Variants in AGAP1 observed in about 807,000 individuals in gnomAD.
AGAP1 encodes the protein arf-GAP with GTPase, ANK repeat and PH domain-containing protein 1.
A neutral mutation model predicts 105.3 loss-of-function variants in AGAP1; 29 were observed. That is an observed-to-expected ratio of 0.28 (90% CI 0.21 to 0.38). AGAP1 has a LOEUF of 0.38. AGAP1 is among the 10% of genes least tolerant of loss of function. AGAP1 has a pLI of 1.00. For missense variants in AGAP1, 998 were observed against 1,165.1 expected (o/e 0.86, Z 2.09); for synonymous variants, 509 against 485.9 (o/e 1.05, Z -0.63).
rs2124992303 is a variant in AGAP1 at position 235,900,787 on chromosome 2, T to C, written c.1156-7951T>C. Among the ~76,000 whole-genome samples the C allele has an allele frequency of 6.6e-6, 1 of 152,318 alleles. No homozygotes were observed. The highest frequency in any genetic ancestry group is 2.4e-5 in the African/African-American group (1 of 41,564). On this transcript the variant is annotated intron_variant, in intron 10 of 17. Coordinates refer to ENST00000304032, the MANE Select transcript of AGAP1 (RefSeq NM_001037131.3). This position sits in a 1 kb window ranked among gnomAD's most constrained non-coding sequence, Gnocchi z 5.5. ...TTTGCCTCTGTGCATGCTACACATC[T>C]GATTGGCCAGGTGCCTTCCTCCTGC...
rs1282336284 is a variant in AGAP1, at chr2:235,989,118, A to T, written c.1645+20495A>T. 6.6e-6 allele frequency among the ~76,000 whole-genome samples: 1 copy of T among 152,170 alleles called. No homozygotes were observed. The highest frequency in any genetic ancestry group is 1.9e-4 in the East Asian group (1 of 5,194). ...ATAATAATGTGAGATGAAGATGATG[A>T]TGATGGTTGTTGTTATTTAAAACTG... On this transcript the variant is annotated intron_variant, in intron 13 of 17. Transcript: ENST00000304032. This position sits in a 1 kb window ranked among gnomAD's most constrained non-coding sequence, Gnocchi z 4.4.
intron 16 of AGAP1, chr2:236,072,227 G>A (rs1387755254): frequency 1.3e-5 from 2 of 150,394 alleles, no homozygotes; most frequent in African/African-American, 4.9e-5. Context: ...AGATCACAAG[G>A]CCAAGAGATC....
intron 9 of AGAP1, among the ~76,000 whole-genome samples, chr2:235,831,931 A>G (rs1033590534): frequency 1.3e-5 from 2 of 152,222 alleles, no homozygotes; most frequent in African/African-American, 4.8e-5. Flanking sequence ...TTCCACCAGC[A>G]ATGGATGAGA....
intron 6 of AGAP1, among the ~76,000 whole-genome samples, chr2:235,768,898 T>G (rs1955196388): frequency 6.6e-6 from 1 of 152,198 alleles, no homozygotes; most frequent in African/African-American, 2.4e-5. Flanking sequence ...GATCTGTTTC[T>G]TACAGAAGAA....
At chr2:235,666,036 C>A (rs548584478) in intron 1 of AGAP1, among the ~76,000 whole-genome samples, 1 of 152,252 alleles carries the variant, frequency 6.6e-6, no homozygotes, top group African/African-American at 2.4e-5. Context: ...AAACTTGGAA[C>A]TAAGGGAGCG....
In AGAP1 at chr2:235,569,059, G is replaced by A. The variant is rs1944436865; in HGVS notation, c.163+74210G>A. ...GGCAGCGTATTCATAGGTTCTGGGT[G>A]TTGGGACATGGACATTTTGGGGGAC... On this transcript the variant is annotated intron_variant, in intron 1 of 17. Coordinates refer to ENST00000304032, the MANE Select transcript of AGAP1 (RefSeq NM_001037131.3). This position sits in a 1 kb window ranked among gnomAD's most constrained non-coding sequence, Gnocchi z 5.9. 6.6e-6 allele frequency among the ~76,000 whole-genome samples: 1 copy of A among 152,242 alleles called. No individual in the cohort carries two copies. The highest frequency in any genetic ancestry group is 2.1e-4 in the South Asian group (1 of 4,836).
At chr2:236,007,659 G>C (rs945152818) in intron 13 of AGAP1, among the ~76,000 whole-genome samples, 1 of 152,158 alleles carries the variant, frequency 6.6e-6, no homozygotes, top group Non-Finnish European at 1.5e-5. Flanking sequence ...AAGAACCAAA[G>C]GGCCTGCAAT....
In AGAP1 at chr2:235,725,582, A is replaced by G. The variant is rs754246434; in HGVS notation, c.310+7938A>G. The stretch of plus-strand genomic sequence containing the variant: ...GAAATCTAGCCATTTAGATTTTTCA[A>G]CCTCAATTTGACCGTTAGTTGCAAC... On this transcript the variant is annotated intron_variant, in intron 3 of 17. Transcript: ENST00000304032. The surrounding 1 kb of genome is among the most constrained non-coding windows in gnomAD (Gnocchi z 5.7). Among the ~76,000 whole-genome samples, 4 of 152,170 alleles carry G rather than the reference A, an allele frequency of 2.6e-5. No homozygotes were observed. Among genetic ancestry groups the G allele is most frequent in the Non-Finnish European group, 4.4e-5 (3 of 68,028 alleles).
Position 236,005,720 on chromosome 2 carries a change from A to G in AGAP1, c.1646-30841A>G, listed in dbSNP as rs2056299491. On this transcript the variant is annotated intron_variant, in intron 13 of 17. Coordinates refer to ENST00000304032, the MANE Select transcript of AGAP1 (RefSeq NM_001037131.3). This position sits in a 1 kb window ranked among gnomAD's most constrained non-coding sequence, Gnocchi z 4.1. The stretch of plus-strand genomic sequence containing the variant: ...GTATGATAGGAATCCCTCTACTGGA[A>G]TTTGTGCAATGCTTTTCTCAGGTTT... 1.3e-5 allele frequency among the ~76,000 whole-genome samples: 2 copies of G among 152,142 alleles called. No individual in the cohort carries two copies. Among genetic ancestry groups the G allele is most frequent in the Admixed American group, 1.3e-4 (2 of 15,278 alleles).
chr2:235,867,070 C>G lies in AGAP1; in HGVS notation c.1051-16275C>G, dbSNP rs2049206805. On this transcript the variant is annotated intron_variant, in intron 9 of 17. Transcript: ENST00000304032. The surrounding 1 kb of genome is among the most constrained non-coding windows in gnomAD (Gnocchi z 5.4). ...ATGCGGAGCCTGTGACCCTGCAGCT[C>G]AGCATGGGAGGCTAAAGGGGCGCTC... Among the ~76,000 whole-genome samples the G allele has an allele frequency of 6.6e-6, 1 of 152,124 alleles. No homozygotes were observed. Among genetic ancestry groups the G allele is most frequent in the African/African-American group, 2.4e-5 (1 of 41,416 alleles).
intron 16 of AGAP1, among the ~76,000 whole-genome samples, chr2:236,091,295 TTCC>T (rs1435100538): frequency 1.3e-5 from 2 of 152,234 alleles, no homozygotes; most frequent in African/African-American, 4.8e-5. Flanking sequence ...GTATTTCAAG[TTCC>T]TCTAAATCCT....
At chr2:235,542,179 A>C (rs2149096932) in intron 1 of AGAP1, among the ~76,000 whole-genome samples, 1 of 151,802 alleles carries the variant, frequency 6.6e-6, no homozygotes, top group East Asian at 2.0e-4. Context: ...CTTCAGAGCA[A>C]GACCTAGGAA....
intron 9 of AGAP1, among the ~76,000 whole-genome samples, chr2:235,839,880 T>C (rs1192779898): frequency 6.6e-6 from 1 of 152,178 alleles, no homozygotes; most frequent in African/African-American, 2.4e-5. Context: ...CAGAAATAGA[T>C]GTCACCAACA....
intron 6 of AGAP1, among the ~76,000 whole-genome samples, chr2:235,766,774 C>T (rs1297047208): frequency 1.3e-5 from 2 of 152,302 alleles, no homozygotes; most frequent in East Asian, 3.9e-4. Flanking sequence ...AGGAGTCTGG[C>T]TCTGTCGCCC....
rs1946535405 is a variant in AGAP1 at position 235,623,084 on chromosome 2, C to T, written c.164-86095C>T. ...TCTTTTTGGGGGAATAGATGTCTCT[C>T]ATGCAGCTCATTTTCCAGTGGATTG... On this transcript the variant is annotated intron_variant, in intron 1 of 17. Coordinates refer to ENST00000304032, the MANE Select transcript of AGAP1 (RefSeq NM_001037131.3). This position sits in a 1 kb window ranked among gnomAD's most constrained non-coding sequence, Gnocchi z 4.5. Among the ~76,000 whole-genome samples the T allele has an allele frequency of 6.6e-6, 1 of 152,192 alleles. No homozygotes were observed.
rs534120352 is a variant in AGAP1, at chr2:235,906,057, G to A, written c.1156-2681G>A. ...CCCAGATACCACCCTCCCGTTACCC[G>A]AACCCACCATGACAGCTTTCCTCCA... On this transcript the variant is annotated intron_variant, in intron 10 of 17. Transcript: ENST00000304032. This position sits in a 1 kb window ranked among gnomAD's most constrained non-coding sequence, Gnocchi z 5.3. 8.5e-5 allele frequency among the ~76,000 whole-genome samples: 13 copies of A among 152,196 alleles called. No homozygotes were observed. The East Asian group carries it at 1.6e-3, about 18-fold the overall frequency.
rs1559223437 is a variant in AGAP1, at chr2:236,046,853, C to T, written c.1892-2206C>T. On this transcript the variant is annotated intron_variant, in intron 15 of 17. Coordinates refer to ENST00000304032, the MANE Select transcript of AGAP1 (RefSeq NM_001037131.3). The surrounding 1 kb of genome is among the most constrained non-coding windows in gnomAD (Gnocchi z 5.2). ...AAAAGGTATCAGAAGTTAGCACTGG[C>T]CCAGCACAGTGGCTCATGCCTGTAA... is the stretch of plus-strand genomic sequence containing the variant. Among the ~76,000 whole-genome samples, 2 of 152,172 alleles carry T rather than the reference C, an allele frequency of 1.3e-5. No homozygotes were observed. The highest frequency in any genetic ancestry group is 2.4e-5 in the African/African-American group (1 of 41,442).
Position 235,601,274 on chromosome 2 carries a change from G to C in AGAP1, c.163+106425G>C, listed in dbSNP as rs1945722280. ...CCTTACTGTGTCCTCTCTGTGCTTG[G>C]GGGTGGGGAGAGAGGCGAGAAGGGA... On this transcript the variant is annotated intron_variant, in intron 1 of 17. Coordinates refer to ENST00000304032, the MANE Select transcript of AGAP1 (RefSeq NM_001037131.3). The surrounding 1 kb of genome is among the most constrained non-coding windows in gnomAD (Gnocchi z 4.4). Among the ~76,000 whole-genome samples the C allele has an allele frequency of 6.6e-6, 1 of 152,206 alleles. No individual in the cohort carries two copies. The highest frequency in any genetic ancestry group is 1.5e-5 in the Non-Finnish European group (1 of 68,040).
At position 235,993,748 on chromosome 2, in the gene AGAP1, G is replaced by A. The variant is rs1352676329; in HGVS notation, c.1645+25125G>A. 6.6e-6 allele frequency among the ~76,000 whole-genome samples: 1 copy of A among 152,170 alleles called. No individual in the cohort carries two copies. The highest frequency in any genetic ancestry group is 1.9e-4 in the East Asian group (1 of 5,192). The stretch of plus-strand genomic sequence containing the variant: ...ACTTAAACTCTTTCTTACCAAACCA[G>A]CTATGCCACGCCCTTCTGCTTTGGC... On this transcript the variant is annotated intron_variant, in intron 13 of 17. Transcript: ENST00000304032. This position sits in a 1 kb window ranked among gnomAD's most constrained non-coding sequence, Gnocchi z 5.0.
Sources: gnomAD v4.1 joint callset for allele counts (sites outside exome capture counted in the v4.1 genomes callset) on GRCh38, gnomAD v4.1.1 for gene constraint, Gnocchi (gnomAD v3.1) non-coding constraint, MANE v1.5 for transcripts, NCBI Gene and HGNC (gene_info 2026-07-23, HGNC 2026-07-21) for gene names.